BAZ1A: variants seen among roughly 807,000 people sequenced by gnomAD.
BAZ1A encodes the protein bromodomain adjacent to zinc finger domain 1A, also known as bromodomain adjacent to zinc finger domain protein 1A.
In BAZ1A, 50 loss-of-function variants were observed where a neutral mutation model predicts 185.2. That is an observed-to-expected ratio of 0.27 (90% CI 0.22 to 0.34). The LOEUF (loss-of-function observed/expected upper bound fraction) is 0.34, where lower values mean the gene tolerates loss of function less well. BAZ1A is among the 10% of genes least tolerant of loss of function. BAZ1A has a pLI of 1.00. For synonymous variants in BAZ1A, 571 were observed against 615.6 expected (o/e 0.93, Z 1.07); for missense variants, 1,356 against 1,839.9 (o/e 0.74, Z 4.81).
chr14:34,792,672 A>G, intron 12 of BAZ1A, 103 bp downstream of exon 12: 1 of 1,311,262 alleles, frequency 7.6e-7, no homozygotes, highest in African/African-American at 1.5e-5. Context: ...GAACAACTAT[A>G]TTTTATAAGC....
chr14:34,859,145 A>T (rs889735588), intron 3 of BAZ1A, among the ~76,000 whole-genome samples: 1 of 152,240 alleles, frequency 6.6e-6, no homozygotes, highest in African/African-American at 2.4e-5. Context: ...GTTGATTTAT[A>T]AGATCCACAG....
chr14:34,822,287 C>CT (rs1260240849), intron 4 of BAZ1A, among the ~76,000 whole-genome samples: 1 of 151,996 alleles, frequency 6.6e-6, no homozygotes, highest in Non-Finnish European at 1.5e-5. Flanking sequence ...CAGTGAGACT[C>CT]TGTCTCAAAA....
intron 3 of BAZ1A, among the ~76,000 whole-genome samples, chr14:34,847,678 C>G (rs1240778953): frequency 1.3e-5 from 2 of 152,132 alleles, no homozygotes; most frequent in African/African-American, 4.8e-5. Context: ...GTTCATCTTA[C>G]CGCATCAATA....
intron 4 of BAZ1A, among the ~76,000 whole-genome samples, chr14:34,811,789 G>T (rs2041933539): frequency 6.6e-6 from 1 of 152,098 alleles, no homozygotes; most frequent in Non-Finnish European, 1.5e-5. Flanking sequence ...ATGAAGCATA[G>T]ACTACCCAGT....
intron 3 of BAZ1A, among the ~76,000 whole-genome samples, chr14:34,851,087 C>T (rs775823803): frequency 5.9e-5 from 9 of 151,948 alleles, no homozygotes; most frequent in Non-Finnish European, 5.9e-5. Context: ...AATCCCAGCA[C>T]CCTGAGAGAC....
intron 4 of BAZ1A, among the ~76,000 whole-genome samples, chr14:34,815,267 A>G (rs1256805790): frequency 6.6e-6 from 1 of 152,260 alleles, no homozygotes; most frequent in East Asian, 1.9e-4. Context: ...TATATAAAAT[A>G]AAATCCTAAT....
Position 34,802,950 on chromosome 14 carries a change from A to G in BAZ1A, c.765T>C (p.Asp255=), listed in dbSNP as rs748067433. Residue 255 remains aspartate, a synonymous_variant, in exon 7 of 27, where the codon GAT becomes GAC. Transcript: ENST00000360310. ...SLSTYKIAEQ[D]FSYFFPDDPP... is the part of the protein sequence containing the mutation. ...GATCATCAGGGAAGAAATAAGAAAA[A>G]TCTTGTTCTGCTATTTTATACGTTG... is the stretch of plus-strand genomic sequence containing the variant. 1.9e-6 allele frequency: 3 copies of G among 1,612,440 alleles called. No homozygotes were observed. The highest frequency in any genetic ancestry group is 3.3e-5 in the Admixed American group (2 of 59,998).
chr14:34,776,037 A>T lies in BAZ1A; in HGVS notation c.2715T>A (p.Ile905=). The T allele has an allele frequency of 6.2e-7, 1 of 1,614,190 alleles. No homozygotes were observed. The highest frequency in any genetic ancestry group is 8.5e-7 in the Non-Finnish European group (1 of 1,179,998). ...TATGTCCTCTAGAATTAAGAGCTTC[A>T]ATAAGCTGGTCTAGCTGTTCACAAG... is the stretch of plus-strand genomic sequence containing the variant. ...YSSCEQLDQL[I]EALNSRGHRE... The change falls in exon 18 of 27, where the codon ATT becomes ATA. Residue 905 remains isoleucine, a synonymous_variant. Transcript: ENST00000360310.
chr14:34,794,411 G>A (rs931490464), intron 11 of BAZ1A, among the ~76,000 whole-genome samples: 3 of 152,118 alleles, frequency 2.0e-5, no homozygotes, highest in South Asian at 2.1e-4. Flanking sequence ...TGAATCCCAC[G>A]GTGGCCTCTC....
intron 2 of BAZ1A, among the ~76,000 whole-genome samples, chr14:34,862,752 C>T (rs1446838866): frequency 2.0e-5 from 3 of 147,982 alleles, no homozygotes; most frequent in African/African-American, 7.5e-5. Context: ...CCTGTATTTT[C>T]TTGAAACTAT....
intron 3 of BAZ1A, among the ~76,000 whole-genome samples, chr14:34,847,128 G>T (rs2042526332): frequency 6.6e-6 from 1 of 151,784 alleles, no homozygotes; most frequent in Admixed American, 6.6e-5. Context: ...GCGCATGCCT[G>T]TAATCCCAGC....
At chr14:34,775,373 A>G (rs1371876980) in intron 18 of BAZ1A, among the ~76,000 whole-genome samples, 2 of 152,214 alleles carry the variant, frequency 1.3e-5, no homozygotes, top group African/African-American at 4.8e-5. Flanking sequence ...CAAGTAAGCA[A>G]TTCTTTACCT....
At chr14:34,805,309 G>GA (rs1881797221) in intron 6 of BAZ1A, among the ~76,000 whole-genome samples, 1 of 152,200 alleles carries the variant, frequency 6.6e-6, no homozygotes, top group South Asian at 2.1e-4. Flanking sequence ...CACTCTAAGT[G>GA]AAAAATGTTT....
chr14:34,759,171 G>GTTTTTTTTTTTTTT lies in BAZ1A; in HGVS notation c.4244-339_4244-326dup, dbSNP rs780287749. On this transcript the variant is annotated intron_variant, in intron 24 of 26. Transcript: ENST00000360310. ...TTATTAAAAATACTTTACAGCTACA[G>GTTTTTTTTTTTTTT]TTTTTTTTTTTTTTTTTTTTTTTTT... Among the ~76,000 whole-genome samples the GTTTTTTTTTTTTTT allele has an allele frequency of 2.9e-4, 19 of 66,478 alleles. 2 individuals are homozygous for GTTTTTTTTTTTTTT. Among genetic ancestry groups the GTTTTTTTTTTTTTT allele is most frequent in the East Asian group, 1.2e-3 (2 of 1,622 alleles). 43.6% of individuals were successfully genotyped at this position (66,478 alleles called of 152,430 possible).
At chr14:34,812,678 G>A (rs2041946947) in intron 4 of BAZ1A, among the ~76,000 whole-genome samples, 1 of 152,182 alleles carries the variant, frequency 6.6e-6, no homozygotes, top group African/African-American at 2.4e-5. Flanking sequence ...GGATGTAAGT[G>A]GGGGTTATAG....
At chr14:34,827,093 C>G (rs1468721988) in intron 3 of BAZ1A, among the ~76,000 whole-genome samples, 3 of 151,956 alleles carry the variant, frequency 2.0e-5, no homozygotes, top group Non-Finnish European at 4.4e-5. Context: ...CTATCTCTCT[C>G]TCTCTCTCGA....
chr14:34,779,394 G>T, intron 17 of BAZ1A, among the ~76,000 whole-genome samples: 1 of 146,426 alleles, frequency 6.8e-6, no homozygotes, highest in African/African-American at 2.5e-5. Flanking sequence ...TTTCCATTAT[G>T]GTTTCTCTTT....
At chr14:34,771,393 C>T in intron 21 of BAZ1A, 118 bp downstream of exon 21, 3 of 996,056 alleles carry the variant, frequency 3.0e-6, no homozygotes, top group South Asian at 1.8e-5. Context: ...ATGAAAACAT[C>T]TCAAGTTTTT....
At position 34,857,540 on chromosome 14, in the gene BAZ1A, C is replaced by T. The variant is rs565471037; in HGVS notation, c.392+4504G>A. Among the ~76,000 whole-genome samples, 3 of 152,306 alleles carry T rather than the reference C, an allele frequency of 2.0e-5. No individual in the cohort carries two copies. In the South Asian group the frequency reaches 6.2e-4, roughly 32 times the overall value. Reference sequence around the variant, plus strand: ...ATCATCCATGATTTCTCCTTTCCCACACATTCCCCTGCCCAAACCAGCATC... The same window carrying T: ...ATCATCCATGATTTCTCCTTTCCCATACATTCCCCTGCCCAAACCAGCATC... On this transcript the variant is annotated intron_variant, in intron 3 of 26. Transcript: ENST00000360310.
Sources: gnomAD v4.1 joint callset for allele counts (sites outside exome capture counted in the v4.1 genomes callset) on GRCh38, gnomAD v4.1.1 for gene constraint, MANE v1.5 for transcripts, NCBI Gene and HGNC (gene_info 2026-07-23, HGNC 2026-07-21) for gene names.